The following TTLL6 variants were observed in gnomAD, a reference collection of about 807,000 sequenced individuals.
The protein encoded by TTLL6 is tubulin polyglutamylase TTLL6.
Under a neutral mutation model 96.4 loss-of-function variants are expected in TTLL6, and 75 were observed. The observed-to-expected ratio is 0.78, with a 90% CI of 0.65 to 0.94. The LOEUF is 0.94. Ranked by LOEUF, TTLL6 falls within the 40% of genes least tolerant of loss-of-function variation. TTLL6 has a pLI of 0.00. For synonymous variants in TTLL6, 411 were observed against 419.4 expected, an observed-to-expected ratio of 0.98 and a Z score of 0.24; for missense variants, 1,030 against 1,093.0, an observed-to-expected ratio of 0.94 and a Z score of 0.81.
At chr17:48,812,609 G>A (rs1174525299) in intron 1 of TTLL6, among the ~76,000 whole-genome samples, 1 of 152,134 alleles carries the variant, frequency 6.6e-6, no homozygotes, top group Non-Finnish European at 1.5e-5. Flanking sequence ...CACATAGAAG[G>A]TACCCACAAA....
chr17:48,784,872 C>A, intron 13 of TTLL6, 51 bp downstream of exon 13: 1 of 1,511,560 alleles, frequency 6.6e-7, no homozygotes, highest in East Asian at 2.3e-5. Context: ...GAGAAAGGAC[C>A]AGTAAGCAAG....
intron 1 of TTLL6, among the ~76,000 whole-genome samples, chr17:48,808,160 A>G (rs1405458008): frequency 2.0e-5 from 3 of 152,158 alleles, no homozygotes; most frequent in African/African-American, 7.2e-5. Context: ...TAATGGCTGT[A>G]TGTATTCCAT....
At chr17:48,801,449 G>A (rs1260643744) in intron 4 of TTLL6, 64 bp from the exon 5 acceptor site, 1 of 1,550,968 alleles carries the variant, frequency 6.4e-7, no homozygotes, top group African/African-American at 1.4e-5. Flanking sequence ...GATCTCCTCG[G>A]GAGACAGGTG....
intron 12 of TTLL6, 76 bp from the exon 13 acceptor site, chr17:48,785,277 G>C: frequency 6.3e-7 from 1 of 1,589,312 alleles, no homozygotes; most frequent in Non-Finnish European, 8.5e-7. Context: ...CTGCACCCAG[G>C]GGTAGGTGAA....
intron 13 of TTLL6, among the ~76,000 whole-genome samples, chr17:48,775,536 T>C (rs1479111057): frequency 1.3e-5 from 2 of 148,942 alleles, no homozygotes; most frequent in African/African-American, 4.9e-5. Context: ...TTATTATTAT[T>C]ATTATTATTA....
At chr17:48,786,109 C>T (rs955485119) in intron 12 of TTLL6, 55 bp downstream of exon 12, 1 of 1,607,822 alleles carries the variant, frequency 6.2e-7, no homozygotes, top group Non-Finnish European at 8.5e-7. Context: ...CTCCACGGAT[C>T]AGGCCCAGGT....
At chr17:48,769,606 T>TAAAC in intron 14 of TTLL6, 122 bp downstream of exon 14, 2 of 1,238,534 alleles carry the variant, frequency 1.6e-6, no homozygotes, top group Non-Finnish European at 2.2e-6. Context: ...GACTGGGGTT[T>TAAAC]CCCTGAAGAC....
chr17:48,807,890 G>C (rs184785743), intron 1 of TTLL6, among the ~76,000 whole-genome samples: 1 of 152,082 alleles, frequency 6.6e-6, no homozygotes, highest in Non-Finnish European at 1.5e-5. Flanking sequence ...CCAGGCTGGA[G>C]TGCAGTGGCG....
chr17:48,808,681 G>A (rs186968704), intron 1 of TTLL6, among the ~76,000 whole-genome samples: 79 of 152,250 alleles, frequency 5.2e-4, no homozygotes, highest in Middle Eastern at 3.4e-3. Context: ...CGATTCTCCT[G>A]CCTCACCCTC....
intron 3 of TTLL6, among the ~76,000 whole-genome samples, chr17:48,802,796 G>A (rs373207414): frequency 2.0e-5 from 3 of 151,886 alleles, no homozygotes; most frequent in East Asian, 1.9e-4. Flanking sequence ...ACTTGAACCC[G>A]GGAGGCGAAG....
intron 8 of TTLL6, chr17:48,794,108 A>G: frequency 1.9e-6 from 3 of 1,566,838 alleles, no homozygotes; most frequent in Non-Finnish European, 2.6e-6. Flanking sequence ...GAGAGAGTGG[A>G]TGGAGAAGTA....
Position 48,817,101 on chromosome 17 carries a change from C to T in TTLL6, c.-29G>A. On this transcript the variant is annotated 5_prime_UTR_variant, in exon 1 of 16. Coordinates refer to ENST00000393382, the MANE Select transcript of TTLL6 (RefSeq NM_001130918.3). ...CTGCCAGACAGCCCCAACCCCAACC[C>T]GCGCTCGCCCTAACTTTGGGTCCGC... is the stretch of plus-strand genomic sequence containing the variant. 1.3e-6 allele frequency: 2 copies of T among 1,514,618 alleles called. No individual in the cohort carries two copies. The highest frequency in any genetic ancestry group is 1.8e-6 in the Non-Finnish European group (2 of 1,128,888). 93.8% of individuals were successfully genotyped at this position (1,514,618 alleles called of 1,614,324 possible).
chr17:48,801,188 C>T, intron 5 of TTLL6, 67 bp downstream of exon 5: 4 of 1,450,864 alleles, frequency 2.8e-6, no homozygotes, highest in Non-Finnish European at 2.8e-6. Context: ...ACCAGGGAAT[C>T]GGGGGCAAGA....
intron 2 of TTLL6, chr17:48,804,164 A>G: frequency 1.7e-6 from 1 of 597,700 alleles, no homozygotes; most frequent in Non-Finnish European, 3.0e-6. Flanking sequence ...TCTGTATTGC[A>G]ATTACAGCTG....
Position 48,770,209 on chromosome 17 carries a change from C to G in TTLL6, c.2041-112G>C. On this transcript the variant is annotated intron_variant, in intron 13 of 15. Coordinates refer to ENST00000393382, the MANE Select transcript of TTLL6 (RefSeq NM_001130918.3). ...ACAAGGTCTTGCTATGCTGCCCAGG[C>G]TGGCCTCAAATTGGGCTCAAGTGAT... is the stretch of plus-strand genomic sequence containing the variant. 4 of 1,427,306 alleles carry G rather than the reference C, an allele frequency of 2.8e-6. No homozygotes were observed. In the East Asian group the frequency reaches 9.8e-5, roughly 35 times the overall value. The allele number at this position is 1,427,306 out of a possible 1,614,324, so 88.4% of individuals were successfully genotyped here.
intron 1 of TTLL6, among the ~76,000 whole-genome samples, chr17:48,807,050 T>C (rs1242196253): frequency 1.3e-5 from 2 of 152,000 alleles, no homozygotes; most frequent in African/African-American, 2.4e-5. Context: ...ATTAATTAAT[T>C]AATTAATTTA....
chr17:48,793,369 C>T (rs146361095), intron 8 of TTLL6, among the ~76,000 whole-genome samples: 1 of 152,176 alleles, frequency 6.6e-6, no homozygotes, highest in Non-Finnish European at 1.5e-5. Context: ...GGACAAAAGA[C>T]AAATGTGCAC....
rs2039679333 is a variant in TTLL6 at position 48,817,097 on chromosome 17, A to C, written c.-25T>G. 6.6e-7 allele frequency: 1 copy of C among 1,520,692 alleles called. No homozygotes were observed. The highest frequency in any genetic ancestry group is 8.8e-7 in the Non-Finnish European group (1 of 1,133,318). The allele number at this position is 1,520,692 out of a possible 1,614,324, so 94.2% of individuals were successfully genotyped here. On this transcript the variant is annotated 5_prime_UTR_variant, in exon 1 of 16. Coordinates refer to ENST00000393382, the MANE Select transcript of TTLL6 (RefSeq NM_001130918.3). ...TTGGCTGCCAGACAGCCCCAACCCC[A>C]ACCCGCGCTCGCCCTAACTTTGGGT...
At chr17:48,798,496 G>A (rs603358) in intron 6 of TTLL6, among the ~76,000 whole-genome samples, 23,850 of 152,016 alleles carry the variant, frequency 0.16, 2,749 homozygotes, top group East Asian at 0.67. Flanking sequence ...GAACCTGAGA[G>A]GCAGAGATTG....
Sources: gnomAD v4.1 joint callset for allele counts (sites outside exome capture counted in the v4.1 genomes callset) on GRCh38, gnomAD v4.1.1 for gene constraint, MANE v1.5 for transcripts, NCBI Gene and HGNC (gene_info 2026-07-23, HGNC 2026-07-21) for gene names.